CADPS: variants seen among roughly 807,000 people sequenced by gnomAD.
The protein encoded by CADPS is calcium dependent secretion activator.
CADPS carries 57 observed loss-of-function variants against 167.3 expected under a neutral mutation model. That is an observed-to-expected ratio of 0.34 (90% CI 0.28 to 0.42). The LOEUF is 0.42. Among genes scored for constraint, CADPS ranks in the 20% least tolerant of loss-of-function variants. CADPS has a pLI of 1.00. For missense variants in CADPS, 1,414 were observed against 1,738.1 expected (o/e 0.81, Z 3.32); for synonymous variants, 676 against 635.3 (o/e 1.06, Z -0.96).
intron 6 of CADPS, among the ~76,000 whole-genome samples, chr3:62,619,421 C>T (rs929840349): frequency 1.4e-4 from 21 of 152,152 alleles, no homozygotes; most frequent in African/African-American, 4.8e-4. Context: ...TACCCCATAA[C>T]ATGATTGCTT....
chr3:62,516,432 C>T (rs576303220), intron 15 of CADPS, 148 bp downstream of exon 15: 1 of 750,530 alleles, frequency 1.3e-6, no homozygotes, highest in Non-Finnish European at 2.1e-6. Context: ...AGAGTTTTGG[C>T]AGTTTCCTCG....
intron 21 of CADPS, among the ~76,000 whole-genome samples, chr3:62,482,707 C>T (rs1178199373): frequency 6.6e-6 from 1 of 152,142 alleles, no homozygotes; most frequent in African/African-American, 2.4e-5. Context: ...GGAAGTGGGA[C>T]AGACACTGGG....
At chr3:62,732,044 T>G (rs1227659121) in intron 3 of CADPS, among the ~76,000 whole-genome samples, 1 of 152,048 alleles carries the variant, frequency 6.6e-6, no homozygotes, top group Non-Finnish European at 1.5e-5. Context: ...CTATCAGAAC[T>G]TTCACAAACA....
intron 3 of CADPS, among the ~76,000 whole-genome samples, chr3:62,664,294 C>G (rs1422231186): frequency 2.6e-5 from 4 of 152,236 alleles, no homozygotes; most frequent in Non-Finnish European, 5.9e-5. Flanking sequence ...GCGTGAGCCA[C>G]CATGCCTGGC....
chr3:62,716,641 G>T (rs768570847), intron 3 of CADPS, among the ~76,000 whole-genome samples: 2 of 152,116 alleles, frequency 1.3e-5, no homozygotes, highest in Non-Finnish European at 2.9e-5. Context: ...AAAAATGACA[G>T]AATTGGGACA....
chr3:62,407,773 G>A (rs1347959007), intron 28 of CADPS, among the ~76,000 whole-genome samples: 1 of 152,132 alleles, frequency 6.6e-6, no homozygotes, highest in Non-Finnish European at 1.5e-5. Flanking sequence ...CTTGCTCTGT[G>A]TTCAGGCTGG....
chr3:62,581,143 T>C (rs2083351307), intron 8 of CADPS, among the ~76,000 whole-genome samples: 1 of 152,186 alleles, frequency 6.6e-6, no homozygotes, highest in South Asian at 2.1e-4. Context: ...CTAGTTGTTA[T>C]AGTTAGTAAA....
At chr3:62,864,782 T>C (rs1254532831) in intron 1 of CADPS, among the ~76,000 whole-genome samples, 1 of 152,074 alleles carries the variant, frequency 6.6e-6, no homozygotes, top group African/African-American at 2.4e-5. Context: ...AATAAACCCA[T>C]AACAAGAGCC....
At chr3:62,558,207 A>G (rs902102214) in intron 9 of CADPS, among the ~76,000 whole-genome samples, 1 of 152,206 alleles carries the variant, frequency 6.6e-6, no homozygotes, top group Non-Finnish European at 1.5e-5. Context: ...GTCACAGTAG[A>G]GCAATCCTCA....
chr3:62,813,351 A>G (rs1337351584), intron 1 of CADPS, among the ~76,000 whole-genome samples: 1 of 152,118 alleles, frequency 6.6e-6, no homozygotes, highest in African/African-American at 2.4e-5. Flanking sequence ...GTTGACAAAA[A>G]TAAGCAATGG....
chr3:62,537,803 A>C (rs923839511), intron 11 of CADPS, among the ~76,000 whole-genome samples: 1 of 151,962 alleles, frequency 6.6e-6, no homozygotes, highest in Non-Finnish European at 1.5e-5. Flanking sequence ...TGTCACTTCC[A>C]GATGATGATT....
At chr3:62,411,925 G>T (rs1207048852) in intron 28 of CADPS, among the ~76,000 whole-genome samples, 1 of 152,198 alleles carries the variant, frequency 6.6e-6, no homozygotes, top group African/African-American at 2.4e-5. Flanking sequence ...TTACTTGAGT[G>T]TTGCTATAAT....
At chr3:62,812,780 G>A (rs944025015) in intron 1 of CADPS, among the ~76,000 whole-genome samples, 1 of 152,140 alleles carries the variant, frequency 6.6e-6, no homozygotes, top group African/African-American at 2.4e-5. Context: ...CTCTCCATAA[G>A]AGAGAGCATC....
chr3:62,469,309 A>C (rs1278533765), intron 24 of CADPS, among the ~76,000 whole-genome samples: 4 of 151,930 alleles, frequency 2.6e-5, no homozygotes, highest in African/African-American at 9.7e-5. Flanking sequence ...CTCTGCTTTC[A>C]CTCCTTGATC....
rs1359777639 is a variant in CADPS at position 62,585,346 on chromosome 3, C to A, written c.1438-22G>T. On this transcript the variant is annotated intron_variant, in intron 7 of 29. Coordinates refer to ENST00000383710, the MANE Select transcript of CADPS (RefSeq NM_003716.4). Reference sequence around the variant, plus strand: ...TAACCTGTAGGGGAAAAAGGACAAGCAACTAGAAAAGAGAAGCACCATTAT... The same window carrying A: ...TAACCTGTAGGGGAAAAAGGACAAGAAACTAGAAAAGAGAAGCACCATTAT... 3 of 1,591,620 alleles carry A rather than the reference C, an allele frequency of 1.9e-6. No individual in the cohort carries two copies. In the Admixed American group the frequency reaches 5.7e-5, roughly 30 times the overall value.
chr3:62,448,696 C>T (rs964030534), intron 26 of CADPS, among the ~76,000 whole-genome samples: 4 of 152,092 alleles, frequency 2.6e-5, no homozygotes, highest in African/African-American at 9.7e-5. Flanking sequence ...CCACTGCAAC[C>T]TCTGCCTCCC....
chr3:62,829,996 C>A (rs998796689), intron 1 of CADPS, among the ~76,000 whole-genome samples: 31 of 152,156 alleles, frequency 2.0e-4, no homozygotes, highest in African/African-American at 7.5e-4. Flanking sequence ...CTGTCTACCA[C>A]CACCATGTGG....
intron 1 of CADPS, among the ~76,000 whole-genome samples, chr3:62,800,085 G>T (rs1051574531): frequency 1.3e-5 from 2 of 152,128 alleles, no homozygotes; most frequent in Non-Finnish European, 2.9e-5. Context: ...TGTGGGATCT[G>T]CCTGGGCTCC....
chr3:62,623,086 A>C (rs1390447667), intron 6 of CADPS, among the ~76,000 whole-genome samples: 1 of 152,256 alleles, frequency 6.6e-6, no homozygotes, highest in Non-Finnish European at 1.5e-5. Flanking sequence ...CTGTTTTATA[A>C]CAATGATATG....
Sources: allele counts gnomAD v4.1 joint callset (sites outside exome capture counted in the v4.1 genomes callset), GRCh38; gene constraint gnomAD v4.1.1; transcripts MANE v1.5; gene names NCBI Gene and HGNC (gene_info 2026-07-23, HGNC 2026-07-21).